The following ING3 variants were observed in gnomAD, a reference collection of about 807,000 sequenced individuals.
ING3 encodes inhibitor of growth protein 3.
ING3 carries 6 observed loss-of-function variants against 64.8 expected under a neutral mutation model. That is an observed-to-expected ratio of 0.09 (90% CI 0.05 to 0.18). The LOEUF is 0.18. Ranked by LOEUF, ING3 falls within the 10% of genes least tolerant of loss-of-function variation. The probability of loss-of-function intolerance (pLI) is 1.00; values close to 1 mark genes in which losing one functional copy is unlikely to be tolerated. For missense variants in ING3, 310 were observed against 489.7 expected, an observed-to-expected ratio of 0.63 and a Z score of 3.46; for synonymous variants, 170 against 173.7, an observed-to-expected ratio of 0.98 and a Z score of 0.17.
chr7:120,951,160 A>G lies in ING3; in HGVS notation c.29-4A>G. 2 of 1,613,990 alleles carry G rather than the reference A, an allele frequency of 1.2e-6. No homozygotes were observed. The highest frequency in any genetic ancestry group is 1.7e-6 in the Non-Finnish European group (2 of 1,179,986). On this transcript the variant is annotated splice_region_variant and splice_polypyrimidine_tract_variant and intron_variant, in intron 1 of 11. Coordinates refer to ENST00000315870, the MANE Select transcript of ING3 (RefSeq NM_019071.3). ...GCCCCTCTGACGGACTCTCCCTTTG[A>G]CAGTGATTGAGCAGCTTCCTATGGA...
intron 2 of ING3, 78 bp downstream of exon 2, chr7:120,951,313 A>G (rs908466076): frequency 3.4e-5 from 46 of 1,372,226 alleles, no homozygotes; most frequent in Admixed American, 2.0e-4. Flanking sequence ...GCTAGCGCCT[A>G]GTGCTCTTTC....
intron 2 of ING3, 52 bp downstream of exon 2, chr7:120,951,287 C>A: frequency 6.5e-7 from 1 of 1,537,726 alleles, no homozygotes; most frequent in Non-Finnish European, 8.9e-7. Context: ...CAGTGCCAGA[C>A]TTGCTTGTCA....
In ING3 at chr7:120,950,932, C is replaced by A. The variant is rs1193609626; in HGVS notation, c.28+8C>A. 2.5e-6 allele frequency: 4 copies of A among 1,611,574 alleles called. No individual in the cohort carries two copies. The East Asian group carries it at 8.9e-5, about 36-fold the overall frequency. Reference sequence around the variant, plus strand: ...TAGAAGACTATCTGGAAAGTGAGTGCGCGGCGCTGGCGGCGGCCGCCAGTG... The same window carrying A: ...TAGAAGACTATCTGGAAAGTGAGTGAGCGGCGCTGGCGGCGGCCGCCAGTG... On this transcript the variant is annotated splice_region_variant and intron_variant, in intron 1 of 11. Coordinates refer to ENST00000315870, the MANE Select transcript of ING3 (RefSeq NM_019071.3).
At chr7:120,958,637 T>C (rs1323841828) in intron 4 of ING3, among the ~76,000 whole-genome samples, 1 of 152,218 alleles carries the variant, frequency 6.6e-6, no homozygotes, top group African/African-American at 2.4e-5. Context: ...ACCTTCCACA[T>C]TGTTGCTGCC....
At chr7:120,965,793 A>T (rs1036579290) in intron 5 of ING3, among the ~76,000 whole-genome samples, 15 of 152,162 alleles carry the variant, frequency 9.9e-5, no homozygotes, top group African/African-American at 3.6e-4. Flanking sequence ...ACTTTAGATA[A>T]TCATCCTATT....
intron 11 of ING3, among the ~76,000 whole-genome samples, chr7:120,973,493 A>C (rs1360431853): frequency 6.6e-6 from 1 of 152,124 alleles, no homozygotes; most frequent in African/African-American, 2.4e-5. Flanking sequence ...ATGTTGTATG[A>C]AAATTATAAA....
At chr7:120,956,328 A>C (rs1795846718) in intron 4 of ING3, 1 of 1,402,022 alleles carries the variant, frequency 7.1e-7, no homozygotes, top group South Asian at 1.5e-5. Context: ...AAAGCAGAAA[A>C]CACATGCTCA....
intron 10 of ING3, among the ~76,000 whole-genome samples, chr7:120,971,487 A>G (rs984661267): frequency 3.2e-4 from 49 of 152,336 alleles, no homozygotes; most frequent in Middle Eastern, 3.4e-3. Context: ...ATAAGCTTGC[A>G]TTTCATAACA....
chr7:120,950,987 G>C, intron 1 of ING3, 63 bp downstream of exon 1: 2 of 1,517,340 alleles, frequency 1.3e-6, no homozygotes, highest in Non-Finnish European at 1.8e-6. Context: ...AGCGCGAGTG[G>C]ACGGGCAGCG....
intron 4 of ING3, among the ~76,000 whole-genome samples, chr7:120,958,259 A>T (rs113114902): frequency 3.4e-5 from 5 of 147,360 alleles, no homozygotes; most frequent in Non-Finnish European, 5.9e-5. Context: ...AAATACTTTA[A>T]TCCTATTTCA....
intron 4 of ING3, among the ~76,000 whole-genome samples, chr7:120,958,036 G>A (rs543013266): frequency 9.9e-5 from 15 of 152,206 alleles, no homozygotes; most frequent in African/African-American, 3.4e-4. Context: ...TCCTGAACTG[G>A]AATTTTCTAT....
At chr7:120,967,057 A>C (rs1027244735) in intron 6 of ING3, among the ~76,000 whole-genome samples, 2 of 152,130 alleles carry the variant, frequency 1.3e-5, no homozygotes, top group African/African-American at 4.8e-5. Flanking sequence ...TGTCTTTTTC[A>C]TCCTTGCTTC....
rs1796019738 is a variant in ING3 at position 120,968,098 on chromosome 7, A to C, written c.714+7A>C. ...AGTTCAGGCTACAGCTCAGGTAAAA[A>C]GTAAAGGGTTTAGAGACAAAATGTT... On this transcript the variant is annotated splice_region_variant and intron_variant, in intron 8 of 11. Coordinates refer to ENST00000315870, the MANE Select transcript of ING3 (RefSeq NM_019071.3). 1 of 1,612,576 alleles carries C rather than the reference A, an allele frequency of 6.2e-7. No homozygotes were observed.
At position 120,967,641 on chromosome 7, in the gene ING3, T is replaced by C. The variant is rs144149429; in HGVS notation, c.549T>C (p.Asn183=). The C allele has an allele frequency of 3.8e-6, 6 of 1,584,600 alleles. No individual in the cohort carries two copies. Among genetic ancestry groups the C allele is most frequent in the South Asian group, 1.2e-5 (1 of 84,652 alleles). The change falls in exon 7 of 12, where the codon AAT becomes AAC. Residue 183 remains asparagine (N), a synonymous_variant. Coordinates refer to ENST00000315870, the MANE Select transcript of ING3 (RefSeq NM_019071.3). The part of the protein sequence containing the change: ...STLTSDASKE[N]TLGCRNNNST... ...TTACGTCAGATGCCTCTAAGGAAAA[T>C]ACACTAGGTAAGTTAATTTTCTTAA...
chr7:120,954,643 C>T (rs570615323), intron 3 of ING3, among the ~76,000 whole-genome samples: 9 of 152,214 alleles, frequency 5.9e-5, no homozygotes, highest in African/African-American at 1.7e-4. Flanking sequence ...ATCCACATCC[C>T]AGAGTCACTA....
chr7:120,974,673 A>G, intron 11 of ING3, 55 bp from the exon 12 acceptor site: 3 of 931,652 alleles, frequency 3.2e-6, no homozygotes, highest in Non-Finnish European at 5.3e-6. Context: ...ATTTTAATAT[A>G]CTCTCTTGTC....
Position 120,951,278 on chromosome 7 carries a change from AGTGCCAGACTT to A in ING3, c.100+45_100+55del, listed in dbSNP as rs553490361. On this transcript the variant is annotated intron_variant, in intron 2 of 11. Coordinates refer to ENST00000315870, the MANE Select transcript of ING3 (RefSeq NM_019071.3). ...CTACTCCTGTTCGCTGCGCGCGTTC[AGTGCCAGACTT>A]GCTTGTCATCACTGCTAGCGCCTAG... 3.0e-3 allele frequency: 4,708 copies of A among 1,583,690 alleles called. 173 individuals are homozygous for A. The South Asian group carries it at 0.049, about 17-fold the overall frequency.
intron 2 of ING3, among the ~76,000 whole-genome samples, chr7:120,951,478 G>A (rs770765336): frequency 1.6e-4 from 25 of 152,208 alleles, no homozygotes; most frequent in Non-Finnish European, 3.2e-4. Flanking sequence ...CTAGAATGTG[G>A]GATTGTGCAA....
At chr7:120,970,118 T>G (rs942860049) in intron 9 of ING3, among the ~76,000 whole-genome samples, 14 of 152,114 alleles carry the variant, frequency 9.2e-5, no homozygotes, top group African/African-American at 3.4e-4. Flanking sequence ...TCAAATGTTT[T>G]TGTGTGTGTG....
Sources: allele counts gnomAD v4.1 joint callset (sites outside exome capture counted in the v4.1 genomes callset), GRCh38; gene constraint gnomAD v4.1.1; transcripts MANE v1.5; gene names NCBI Gene and HGNC (gene_info 2026-07-23, HGNC 2026-07-21).